PDE5A: variants seen among roughly 807,000 people sequenced by gnomAD.
PDE5A encodes phosphodiesterase 5A.
PDE5A carries 67 observed loss-of-function variants against 110.2 expected under a neutral mutation model. The observed-to-expected ratio is 0.61, with a 90% CI of 0.50 to 0.75. The LOEUF (loss-of-function observed/expected upper bound fraction) is 0.75. PDE5A is among the 30% of genes least tolerant of loss of function. The pLI is 0.00. For synonymous variants in PDE5A, 328 were observed against 351.2 expected (o/e 0.93, Z 0.74); for missense variants, 862 against 1,045.1 (o/e 0.82, Z 2.42).
chr4:119,562,250 C>G (rs1727768571), intron 6 of PDE5A, among the ~76,000 whole-genome samples: 1 of 152,188 alleles, frequency 6.6e-6, no homozygotes, highest in Admixed American at 6.5e-5. Flanking sequence ...CCCCAGACAC[C>G]TGAAAATGTT....
chr4:119,620,214 G>A (rs1730095523), intron 1 of PDE5A, among the ~76,000 whole-genome samples: 1 of 152,220 alleles, frequency 6.6e-6, no homozygotes, highest in Non-Finnish European at 1.5e-5. Flanking sequence ...ACCTCTAAGT[G>A]ATATCCTCCA....
At chr4:119,590,047 T>C (rs1226051333) in intron 3 of PDE5A, among the ~76,000 whole-genome samples, 1 of 152,186 alleles carries the variant, frequency 6.6e-6, no homozygotes, top group African/African-American at 2.4e-5. Flanking sequence ...TTTTAAGAAA[T>C]GCTCTTCTCT....
At position 119,627,312 on chromosome 4, in the gene PDE5A, C is replaced by A; in HGVS notation, c.152+1208G>T. ...AGCTCCCTCACGGCCCCGGCCTCCG[C>A]GCCGCCGCCCGTCGCCTCCCGCTCG... On this transcript the variant is annotated intron_variant, in intron 1 of 20. Coordinates refer to ENST00000354960, the MANE Select transcript of PDE5A (RefSeq NM_001083.4). This position sits in a 1 kb window ranked among gnomAD's most constrained non-coding sequence, Gnocchi z 4.6. The A allele has an allele frequency of 1.6e-6, 2 of 1,229,074 alleles. No homozygotes were observed. The highest frequency in any genetic ancestry group is 1.6e-5 in the African/African-American group (1 of 64,228). 76.1% of individuals were successfully genotyped at this position (1,229,074 alleles called of 1,614,324 possible).
intron 1 of PDE5A, among the ~76,000 whole-genome samples, chr4:119,625,539 T>A (rs1236619637): frequency 6.6e-6 from 1 of 152,200 alleles, no homozygotes; most frequent in East Asian, 1.9e-4. Flanking sequence ...ATTGTTTTTA[T>A]CAGCAAGCCT....
intron 1 of PDE5A, among the ~76,000 whole-genome samples, chr4:119,621,115 T>TGTAATTTAAATAAATGTAATTTAAAA (rs1401464728): frequency 3.9e-5 from 6 of 152,274 alleles, no homozygotes; most frequent in Non-Finnish European, 5.9e-5. Context: ...GTTGTAACTA[T>TGTAATTTAAATAAATGTAATTTAAAA]GATTAAATTA....
At chr4:119,503,993 G>T (rs1012878112) in intron 18 of PDE5A, among the ~76,000 whole-genome samples, 1 of 151,820 alleles carries the variant, frequency 6.6e-6, no homozygotes, top group Non-Finnish European at 1.5e-5. Flanking sequence ...TGCATGTCTG[G>T]TATATATGTA....
chr4:119,556,465 C>A (rs1379074949), intron 7 of PDE5A, among the ~76,000 whole-genome samples: 1 of 152,188 alleles, frequency 6.6e-6, no homozygotes, highest in Admixed American at 6.5e-5. Context: ...TCCCCAAGGT[C>A]TTTGTGGAGC....
chr4:119,532,577 T>A (rs887638250), intron 11 of PDE5A, among the ~76,000 whole-genome samples: 1 of 152,096 alleles, frequency 6.6e-6, no homozygotes, highest in Non-Finnish European at 1.5e-5. Flanking sequence ...TGCCTTTTTG[T>A]TTATTCAATA....
At chr4:119,600,471 C>A (rs1171216650) in intron 2 of PDE5A, among the ~76,000 whole-genome samples, 1 of 151,894 alleles carries the variant, frequency 6.6e-6, no homozygotes. Flanking sequence ...AATACCATTC[C>A]CCCCACTAAA....
intron 14 of PDE5A, among the ~76,000 whole-genome samples, chr4:119,513,137 T>A (rs769935077): frequency 4.6e-5 from 7 of 152,106 alleles, no homozygotes; most frequent in Non-Finnish European, 1.0e-4. Context: ...CAAGTACCAA[T>A]TAGAAGGTGT....
intron 18 of PDE5A, among the ~76,000 whole-genome samples, chr4:119,503,551 GCTT>G (rs981231467): frequency 3.2e-4 from 49 of 152,088 alleles, no homozygotes; most frequent in African/African-American, 1.2e-3. Flanking sequence ...AAGTAATTTT[GCTT>G]CTTCTAATTT....
chr4:119,603,501 C>T (rs1355869544), intron 2 of PDE5A, among the ~76,000 whole-genome samples: 2 of 152,174 alleles, frequency 1.3e-5, no homozygotes, highest in East Asian at 1.9e-4. Flanking sequence ...GTAGCATTTA[C>T]CAACTAATCT....
intron 12 of PDE5A, among the ~76,000 whole-genome samples, chr4:119,522,485 G>GA (rs967160471): frequency 8.6e-5 from 13 of 151,336 alleles, no homozygotes; most frequent in South Asian, 2.1e-4. Flanking sequence ...AAAGCAGCAA[G>GA]AAAAAAAACA....
chr4:119,569,045 T>C (rs1468826566), intron 3 of PDE5A, among the ~76,000 whole-genome samples: 1 of 150,964 alleles, frequency 6.6e-6, no homozygotes, highest in Non-Finnish European at 1.5e-5. Context: ...TTTTTTTTTT[T>C]CTTTTTGAGA....
chr4:119,574,259 T>C (rs1728246324), intron 3 of PDE5A, among the ~76,000 whole-genome samples: 1 of 135,036 alleles, frequency 7.4e-6, no homozygotes, highest in Non-Finnish European at 1.5e-5. Flanking sequence ...CTCGGCTCAC[T>C]GCAACCTCTG....
intron 11 of PDE5A, among the ~76,000 whole-genome samples, chr4:119,536,381 A>G (rs1335618009): frequency 6.6e-6 from 1 of 152,174 alleles, no homozygotes; most frequent in Admixed American, 6.6e-5. Flanking sequence ...TGCCTGCAGG[A>G]ACTTCAATAT....
chr4:119,524,887 T>C (rs1322472525), intron 12 of PDE5A, among the ~76,000 whole-genome samples: 1 of 152,100 alleles, frequency 6.6e-6, no homozygotes, highest in African/African-American at 2.4e-5. Flanking sequence ...CAAACTGATA[T>C]TAGAAGATAT....
chr4:119,563,434 T>C (rs1727815541), intron 5 of PDE5A, among the ~76,000 whole-genome samples: 1 of 152,196 alleles, frequency 6.6e-6, no homozygotes, highest in African/African-American at 2.4e-5. Context: ...CCCGTCAAAG[T>C]AAACAAAGTT....
rs115313732 is a variant in PDE5A, at chr4:119,587,994, C to T, written c.831+8529G>A. ...CATTTATGTGGTTCCTCTCTTGAGG[C>T]TGTGAGATAAACACAGCAGGGCACT... On this transcript the variant is annotated intron_variant, in intron 3 of 20. Coordinates refer to ENST00000354960, the MANE Select transcript of PDE5A (RefSeq NM_001083.4). Among the ~76,000 whole-genome samples, 1,138 of 152,286 alleles carry T rather than the reference C, an allele frequency of 7.5e-3. 19 individuals carry two copies. Among genetic ancestry groups the T allele is most frequent in the African/African-American group, 0.026 (1,077 of 41,552 alleles).
Sources: gnomAD v4.1 joint callset for allele counts (sites outside exome capture counted in the v4.1 genomes callset) on GRCh38, gnomAD v4.1.1 for gene constraint, Gnocchi (gnomAD v3.1) non-coding constraint, MANE v1.5 for transcripts, NCBI Gene and HGNC (gene_info 2026-07-23, HGNC 2026-07-21) for gene names.